KANK1: variants seen among roughly 807,000 people sequenced by gnomAD.
The protein encoded by KANK1 is KN motif and ankyrin repeat domain-containing protein 1.
KANK1 carries 109 observed loss-of-function variants against 106.2 expected under a neutral mutation model. The observed-to-expected ratio is 1.03, with a 90% CI of 0.88 to 1.20. The LOEUF is 1.20. Among genes scored for constraint, KANK1 ranks in the 50% most tolerant of loss-of-function variants. KANK1 has a pLI of 0.00. For synonymous variants in KANK1, 873 were observed against 652.2 expected, an observed-to-expected ratio of 1.34 and a Z score of -5.16; for missense variants, 2,399 against 1,710.7, an observed-to-expected ratio of 1.40 and a Z score of -7.10.
At chr9:730,344 G>A (rs1831877899) in intron 4 of KANK1, 96 bp downstream of exon 4, 2 of 1,248,412 alleles carry the variant, frequency 1.6e-6, no homozygotes, top group African/African-American at 1.5e-5. Context: ...AAATTGACCT[G>A]GAAGAAAGTT....
At chr9:521,850 G>A (rs1490729521) in intron 1 of KANK1, among the ~76,000 whole-genome samples, 1 of 151,650 alleles carries the variant, frequency 6.6e-6, no homozygotes. Flanking sequence ...TTACAGGCAT[G>A]AGCCACTGTG....
At chr9:732,247 C>A in intron 5 of KANK1, 131 bp from the exon 6 acceptor site, 1 of 1,104,898 alleles carries the variant, frequency 9.1e-7, no homozygotes, top group Non-Finnish European at 1.3e-6. Flanking sequence ...TTACTTTGAA[C>A]TTCTAAGTGC....
intron 1 of KANK1, among the ~76,000 whole-genome samples, chr9:607,065 A>C (rs544116061): frequency 1.3e-5 from 2 of 151,880 alleles, no homozygotes; most frequent in Admixed American, 1.3e-4. Context: ...TTATTCTTTA[A>C]AACAGGGTCT....
Position 713,184 on chromosome 9 carries a change from A to G in KANK1, c.2418A>G (p.Glu806=), listed in dbSNP as rs1340015749. ...SVGVGDDPVG[E]SLENPQPQAP... ...GGGTTGGGGATGACCCTGTAGGGGA[A>G]TCTCTGGAGAACCCCCAGCCTCAAG... is the stretch of plus-strand genomic sequence containing the variant. The change falls in exon 3 of 12, where the codon GAA becomes GAG. Residue 806 remains glutamate, a synonymous_variant. Coordinates refer to ENST00000382297, the MANE Select transcript of KANK1 (RefSeq NM_015158.5). 4 of 1,584,866 alleles carry G rather than the reference A, an allele frequency of 2.5e-6. No homozygotes were observed. The South Asian group carries it at 3.5e-5, about 14-fold the overall frequency.
chr9:554,660 C>T (rs1008420252), intron 1 of KANK1, among the ~76,000 whole-genome samples: 5 of 152,130 alleles, frequency 3.3e-5, no homozygotes, highest in African/African-American at 1.2e-4. Flanking sequence ...ATGAATCTTC[C>T]ATCAACTGTT....
intron 1 of KANK1, among the ~76,000 whole-genome samples, chr9:598,148 G>A (rs986596890): frequency 1.3e-5 from 2 of 151,528 alleles, no homozygotes; most frequent in African/African-American, 4.9e-5. Context: ...AATGGTCTTT[G>A]TACCCTTGTT....
At chr9:726,532 G>C (rs549555699) in intron 3 of KANK1, among the ~76,000 whole-genome samples, 1 of 152,020 alleles carries the variant, frequency 6.6e-6, no homozygotes, top group Non-Finnish European at 1.5e-5. Flanking sequence ...CCAGCTACTC[G>C]GGAGGCTGAG....
At chr9:651,027 G>C (rs754073912) in intron 1 of KANK1, among the ~76,000 whole-genome samples, 1 of 152,114 alleles carries the variant, frequency 6.6e-6, no homozygotes, top group African/African-American at 2.4e-5. Flanking sequence ...CCACTAACTA[G>C]TTTGTGTGAC....
At chr9:727,897 C>A (rs1397990001) in intron 3 of KANK1, among the ~76,000 whole-genome samples, 2 of 152,108 alleles carry the variant, frequency 1.3e-5, no homozygotes, top group Non-Finnish European at 2.9e-5. Context: ...GGAATAGATC[C>A]CTCCTGTCAG....
intron 1 of KANK1, among the ~76,000 whole-genome samples, chr9:544,201 TG>T (rs2060787715): frequency 6.6e-6 from 1 of 151,810 alleles, no homozygotes; most frequent in African/African-American, 2.4e-5. Flanking sequence ...TTTTATTTTT[TG>T]TAGAGACAGG....
At chr9:666,486 G>C (rs1326813513) in intron 1 of KANK1, among the ~76,000 whole-genome samples, 1 of 151,888 alleles carries the variant, frequency 6.6e-6, no homozygotes, top group African/African-American at 2.4e-5. Context: ...TATGTTGAAT[G>C]AAAGTAGTGA....
chr9:525,163 T>G (rs1410318501), intron 1 of KANK1, among the ~76,000 whole-genome samples: 1 of 150,726 alleles, frequency 6.6e-6, no homozygotes, highest in Non-Finnish European at 1.5e-5. Context: ...CCTGGCTAAT[T>G]TTTATATTTT....
chr9:513,716 A>T (rs1282978025), intron 1 of KANK1, among the ~76,000 whole-genome samples: 1 of 152,160 alleles, frequency 6.6e-6, no homozygotes, highest in Non-Finnish European at 1.5e-5. Flanking sequence ...TGACTGGTTC[A>T]CCCTTTGACC....
intron 1 of KANK1, chr9:547,401 T>A (rs1338459500): frequency 6.6e-6 from 1 of 152,226 alleles, no homozygotes; most frequent in Non-Finnish European, 1.5e-5. Context: ...CCCGCAACGA[T>A]GTGTAAATCT....
intron 1 of KANK1, among the ~76,000 whole-genome samples, chr9:658,649 T>G (rs902152884): frequency 6.6e-6 from 1 of 152,206 alleles, no homozygotes; most frequent in African/African-American, 2.4e-5. Context: ...TGGAATTAAC[T>G]TTTGTATAAG....
At chr9:525,139 C>T (rs1350689589) in intron 1 of KANK1, among the ~76,000 whole-genome samples, 1 of 151,086 alleles carries the variant, frequency 6.6e-6, no homozygotes, top group East Asian at 1.9e-4. Flanking sequence ...GGACTACAGG[C>T]ATGCGCCACC....
chr9:526,564 T>C (rs998195916), intron 1 of KANK1, among the ~76,000 whole-genome samples: 3 of 151,676 alleles, frequency 2.0e-5, no homozygotes, highest in Non-Finnish European at 2.9e-5. Flanking sequence ...AAATAAAAAT[T>C]ACAAAAAATT....
intron 2 of KANK1, among the ~76,000 whole-genome samples, chr9:698,394 G>A (rs1293883133): frequency 2.0e-5 from 3 of 152,092 alleles, no homozygotes; most frequent in Non-Finnish European, 2.9e-5. Context: ...TCCTTCCCAG[G>A]TTAGATTTCT....
At chr9:518,390 A>G (rs1043594235) in intron 1 of KANK1, among the ~76,000 whole-genome samples, 2 of 149,630 alleles carry the variant, frequency 1.3e-5, no homozygotes, top group Admixed American at 1.3e-4. Flanking sequence ...TCCCTCCTTG[A>G]CCCCCAGTGG....
Sources: allele counts gnomAD v4.1 joint callset (sites outside exome capture counted in the v4.1 genomes callset), GRCh38; gene constraint gnomAD v4.1.1; transcripts MANE v1.5; gene names NCBI Gene and HGNC (gene_info 2026-07-23, HGNC 2026-07-21).